GDI2: variants seen among roughly 807,000 people sequenced by gnomAD.
GDI2 encodes GDP dissociation inhibitor 2.
In GDI2, 22 loss-of-function variants were observed where a neutral mutation model predicts 54.2. That is an observed-to-expected ratio of 0.41 (90% confidence interval 0.29 to 0.58). The LOEUF (loss-of-function observed/expected upper bound fraction) is 0.58. Ranked by LOEUF, GDI2 falls within the 20% of genes least tolerant of loss-of-function variation. GDI2 has a pLI of 0.35. For synonymous variants in GDI2, 177 were observed against 182.1 expected, an observed-to-expected ratio of 0.97 and a Z score of 0.23; for missense variants, 422 against 546.0, an observed-to-expected ratio of 0.77 and a Z score of 2.26.
chr10:5,792,858 C>G, intron 4 of GDI2, among the ~76,000 whole-genome samples: 1 of 146,298 alleles, frequency 6.8e-6, no homozygotes, highest in East Asian at 2.0e-4. Context: ...ATAAAACTGC[C>G]AAACGATAAT....
At position 5,766,177 on chromosome 10, in the gene GDI2, T is replaced by G. The variant is rs760226971; in HGVS notation, c.1192-25A>C. The G allele has an allele frequency of 6.2e-7, 1 of 1,612,848 alleles. No homozygotes were observed. Among genetic ancestry groups the G allele is most frequent in the Admixed American group, 1.7e-5 (1 of 60,014 alleles). On this transcript the variant is annotated intron_variant, in intron 10 of 10. Transcript: ENST00000380191. This position sits in a 1 kb window ranked among gnomAD's most constrained non-coding sequence, Gnocchi z 5.8. ...TCTGAAAACAAAAATTACGAAGACT[T>G]AAGACCATGGAGGGATGTCTTCCAG... is the stretch of plus-strand genomic sequence containing the variant.
At chr10:5,802,150 C>T (rs948976510) in intron 1 of GDI2, among the ~76,000 whole-genome samples, 12 of 152,136 alleles carry the variant, frequency 7.9e-5, no homozygotes, top group Non-Finnish European at 1.6e-4. Flanking sequence ...GCTGAACTAG[C>T]CGCTTTTTTT....
intron 1 of GDI2, among the ~76,000 whole-genome samples, chr10:5,807,980 C>G (rs974882867): frequency 3.9e-5 from 6 of 152,142 alleles, no homozygotes; most frequent in Non-Finnish European, 7.3e-5. Flanking sequence ...GCAATTTAGA[C>G]TTGGAAGGGA....
At chr10:5,808,773 T>C (rs952850318) in intron 1 of GDI2, among the ~76,000 whole-genome samples, 1 of 142,950 alleles carries the variant, frequency 7.0e-6, no homozygotes, top group Non-Finnish European at 1.5e-5. Context: ...GTACAAAGTA[T>C]CTAATAACTA....
chr10:5,802,366 C>T (rs992647033), intron 1 of GDI2, among the ~76,000 whole-genome samples: 1 of 151,010 alleles, frequency 6.6e-6, no homozygotes. Flanking sequence ...TTTGAGAGGC[C>T]GAGGCGGGTG....
intron 7 of GDI2, among the ~76,000 whole-genome samples, chr10:5,770,288 G>C (rs1340815333): frequency 6.6e-6 from 1 of 152,226 alleles, no homozygotes; most frequent in African/African-American, 2.4e-5. Flanking sequence ...TGTGGGCACA[G>C]TGGCTCACAC....
At chr10:5,777,731 T>G (rs1239364329) in intron 6 of GDI2, among the ~76,000 whole-genome samples, 1 of 152,152 alleles carries the variant, frequency 6.6e-6, no homozygotes, top group Non-Finnish European at 1.5e-5. Flanking sequence ...GTGTGGTGAT[T>G]CCTCAAGGAT....
rs954756796 is a variant in GDI2 at position 5,774,348 on chromosome 10, T to C, written c.720-407A>G. ...AAGAACTGAGGTTGCTGCAGACCCG[T>C]ACGGATTCATCTCAGCACGGTAACA... On this transcript the variant is annotated intron_variant, in intron 6 of 10. Coordinates refer to ENST00000380191, the MANE Select transcript of GDI2 (RefSeq NM_001494.4). The surrounding 1 kb of genome is among the most constrained non-coding windows in gnomAD (Gnocchi z 4.8). Among the ~76,000 whole-genome samples the C allele has an allele frequency of 9.9e-5, 15 of 152,284 alleles. No individual in the cohort carries two copies. The highest frequency in any genetic ancestry group is 3.4e-4 in the African/African-American group (14 of 41,572).
chr10:5,771,398 A>G (rs72772354), intron 7 of GDI2, among the ~76,000 whole-genome samples: 25,512 of 152,146 alleles, frequency 0.17, 2,415 homozygotes, highest in Admixed American at 0.23. Context: ...ATTTTTGCTT[A>G]TTTGTGGTGG....
At chr10:5,787,425 T>C (rs989179679) in intron 4 of GDI2, among the ~76,000 whole-genome samples, 3 of 151,536 alleles carry the variant, frequency 2.0e-5, no homozygotes, top group African/African-American at 4.9e-5. Context: ...AATCGCTTGA[T>C]AAACCCAGGA....
rs764233090 is a variant in GDI2 at position 5,796,891 on chromosome 10, T to C, written c.154-29A>G. On this transcript the variant is annotated intron_variant, in intron 2 of 10. Transcript: ENST00000380191. ...AAAGCAAGGAAAAACATAGCCATAA[T>C]GTTAACAAAATTTAATTTTTTATTA... 2.7e-6 allele frequency: 3 copies of C among 1,109,232 alleles called. No individual in the cohort carries two copies. The Admixed American group carries it at 5.6e-5, about 21-fold the overall frequency. 68.7% of individuals were successfully genotyped at this position (1,109,232 alleles called of 1,614,324 possible).
chr10:5,797,417 T>A (rs1200974388), intron 2 of GDI2, among the ~76,000 whole-genome samples: 1 of 151,936 alleles, frequency 6.6e-6, no homozygotes, highest in Non-Finnish European at 1.5e-5. Context: ...TGGTGGCAGA[T>A]GCCTGTAATC....
Position 5,766,117 on chromosome 10 carries a change from A to G in GDI2, c.1227T>C (p.His409=). 5 of 1,613,298 alleles carry G rather than the reference A, an allele frequency of 3.1e-6. No homozygotes were observed. Among genetic ancestry groups the G allele is most frequent in the Non-Finnish European group, 4.2e-6 (5 of 1,179,424 alleles). The change falls in exon 11 of 11, where the codon CAT becomes CAC. Residue 409 remains histidine, a synonymous_variant. Transcript: ENST00000380191. The surrounding 1 kb of genome is among the most constrained non-coding windows in gnomAD (Gnocchi z 5.8). The part of the protein sequence containing the change: ...FISRTYDATT[H]FETTCDDIKN... ...TAATGTCATCACACGTTGTCTCAAAATGAGTGGTGGCATCATATGTGCGGG... is the reference window on the plus strand; with the variant it reads ...TAATGTCATCACACGTTGTCTCAAAGTGAGTGGTGGCATCATATGTGCGGG...
chr10:5,795,947 A>G (rs1841138544), intron 3 of GDI2, among the ~76,000 whole-genome samples: 2 of 151,842 alleles, frequency 1.3e-5, no homozygotes, highest in Admixed American at 6.6e-5. Context: ...AAAACAAACA[A>G]TAGAATATAA....
chr10:5,796,906 ATTT>A lies in GDI2; in HGVS notation c.154-47_154-45del, dbSNP rs776219384. On this transcript the variant is annotated intron_variant, in intron 2 of 10. Transcript: ENST00000380191. ...ATAGCCATAATGTTAACAAAATTTA[ATTT>A]TTTATTACAATATGTACATATTTTT... The A allele has an allele frequency of 4.3e-6, 4 of 921,308 alleles. No homozygotes were observed. In the African/African-American group the frequency reaches 5.0e-5, roughly 11 times the overall value. 57.1% of individuals were successfully genotyped at this position (921,308 alleles called of 1,614,324 possible).
At chr10:5,800,553 TACTC>T (rs751012759) in intron 2 of GDI2, 41 bp downstream of exon 2, 70 of 884,250 alleles carry the variant, frequency 7.9e-5, no homozygotes, top group Non-Finnish European at 1.2e-4. Flanking sequence ...ACAAGTGAAA[TACTC>T]ACAAAGTGTG....
intron 2 of GDI2, among the ~76,000 whole-genome samples, chr10:5,800,149 T>C (rs181343759): frequency 1.5e-4 from 23 of 152,322 alleles, no homozygotes; most frequent in Non-Finnish European, 3.2e-4. Context: ...AAATGCTATG[T>C]GTCCACGTTC....
intron 4 of GDI2, among the ~76,000 whole-genome samples, chr10:5,786,837 G>A (rs762265345): frequency 6.6e-5 from 10 of 152,124 alleles, no homozygotes; most frequent in Non-Finnish European, 4.4e-5. Context: ...AATTGACCTC[G>A]ATAAAATTTC....
chr10:5,773,369 ATTT>A (rs910070208), intron 7 of GDI2, among the ~76,000 whole-genome samples: 1 of 150,614 alleles, frequency 6.6e-6, no homozygotes, highest in Non-Finnish European at 1.5e-5. Context: ...TTTCCTTGTG[ATTT>A]TTTTTTTCAG....
Sources: allele counts gnomAD v4.1 joint callset (sites outside exome capture counted in the v4.1 genomes callset), GRCh38; gene constraint gnomAD v4.1.1; non-coding constraint Gnocchi (gnomAD v3.1); transcripts MANE v1.5; gene names NCBI Gene and HGNC (gene_info 2026-07-23, HGNC 2026-07-21).